Variants in FKBP5 observed in about 807,000 individuals in gnomAD.
The protein encoded by FKBP5 is FKBP prolyl isomerase 5, also known as peptidyl-prolyl cis-trans isomerase FKBP5.
Under a neutral mutation model 50.5 loss-of-function variants are expected in FKBP5, and 23 were observed. That is an observed-to-expected ratio of 0.46 (90% CI 0.33 to 0.65). The LOEUF is 0.65. Ranked by LOEUF, FKBP5 falls within the 30% of genes least tolerant of loss-of-function variation. The probability of loss-of-function intolerance (pLI) is 0.02; values close to 1 mark genes in which losing one functional copy is unlikely to be tolerated. For synonymous variants in FKBP5, 176 were observed against 190.6 expected (o/e 0.92, Z 0.63); for missense variants, 411 against 553.1 (o/e 0.74, Z 2.58).
intron 1 of FKBP5, among the ~76,000 whole-genome samples, chr6:35,668,004 G>A (rs1414733443): frequency 6.6e-6 from 1 of 152,080 alleles, no homozygotes; most frequent in African/African-American, 2.4e-5. Context: ...GAAGTTTAAG[G>A]GAAATTAGCT....
chr6:35,681,710 G>A (rs1021280371), intron 1 of FKBP5, among the ~76,000 whole-genome samples: 4 of 151,986 alleles, frequency 2.6e-5, no homozygotes, highest in African/African-American at 7.3e-5. Flanking sequence ...AAAAAGTTTC[G>A]CATATAAATA....
intron 2 of FKBP5, among the ~76,000 whole-genome samples, chr6:35,716,167 T>C (rs1210197791): frequency 6.6e-6 from 1 of 151,778 alleles, no homozygotes; most frequent in East Asian, 1.9e-4. Flanking sequence ...AGGCCAGGAG[T>C]TCGAGCCCAG....
chr6:35,651,955 G>T, intron 1 of FKBP5: 1 of 765,676 alleles, frequency 1.3e-6, no homozygotes, highest in South Asian at 2.3e-5. Flanking sequence ...CAGGAAGTCA[G>T]GGACCCCAAA....
At chr6:35,578,343 C>G (rs1762294555) in intron 9 of FKBP5, among the ~76,000 whole-genome samples, 1 of 152,098 alleles carries the variant, frequency 6.6e-6, no homozygotes, top group African/African-American at 2.4e-5. Context: ...CAGGTGTAAA[C>G]CACTGTGCCT....
chr6:35,707,931 T>C (rs1467053842), intron 2 of FKBP5, among the ~76,000 whole-genome samples: 2 of 152,224 alleles, frequency 1.3e-5, no homozygotes, highest in Non-Finnish European at 2.9e-5. Flanking sequence ...ACAAAGACCA[T>C]GTTATACCTG....
chr6:35,630,227 C>T (rs1764114294), intron 3 of FKBP5, among the ~76,000 whole-genome samples: 1 of 151,592 alleles, frequency 6.6e-6, no homozygotes. Context: ...TTTGATAAAC[C>T]TTACTATGAC....
intron 8 of FKBP5, chr6:35,581,768 A>G: frequency 1.0e-6 from 1 of 985,494 alleles, no homozygotes; most frequent in South Asian, 4.7e-5. Flanking sequence ...CACAGATGAT[A>G]CATCCTGCCA....
chr6:35,584,516 C>T, intron 8 of FKBP5: 2 of 985,424 alleles, frequency 2.0e-6, no homozygotes, highest in Non-Finnish European at 2.4e-6. Flanking sequence ...AAGACAAGGC[C>T]CGGGAGGGCA....
intron 1 of FKBP5, among the ~76,000 whole-genome samples, chr6:35,646,234 C>T (rs1764626865): frequency 6.6e-6 from 1 of 152,210 alleles, no homozygotes; most frequent in South Asian, 2.1e-4. Context: ...GATTTACTAG[C>T]TTTCTAAATC....
At chr6:35,672,627 G>A (rs1005391550) in intron 1 of FKBP5, among the ~76,000 whole-genome samples, 4 of 151,956 alleles carry the variant, frequency 2.6e-5, no homozygotes, top group Non-Finnish European at 5.9e-5. Context: ...TGCTTATGGC[G>A]ACTAAAAAGT....
chr6:35,680,117 GAA>G (rs914130084), intron 1 of FKBP5, among the ~76,000 whole-genome samples: 1 of 142,492 alleles, frequency 7.0e-6, no homozygotes. Flanking sequence ...GATGTAGATG[GAA>G]AAAAAAAAAA....
intron 4 of FKBP5, 63 bp from the exon 5 acceptor site, chr6:35,619,273 A>T: frequency 3.0e-6 from 3 of 994,880 alleles, no homozygotes; most frequent in South Asian, 2.8e-5. Flanking sequence ...ACATATGTGA[A>T]GGCAAGGGCA....
At chr6:35,668,333 A>AT (rs1765286761) in intron 1 of FKBP5, among the ~76,000 whole-genome samples, 2 of 152,136 alleles carry the variant, frequency 1.3e-5, no homozygotes, top group South Asian at 4.1e-4. Flanking sequence ...CCCAGTGTCC[A>AT]TTTTTTGCCA....
chr6:35,618,145 T>A (rs1380859658), intron 5 of FKBP5, among the ~76,000 whole-genome samples: 3 of 152,184 alleles, frequency 2.0e-5, no homozygotes, highest in Non-Finnish European at 4.4e-5. Context: ...ACTTTTCTCA[T>A]CTGGGGACAA....
chr6:35,623,743 TTTC>T (rs748474328), intron 3 of FKBP5, among the ~76,000 whole-genome samples: 40 of 151,806 alleles, frequency 2.6e-4, no homozygotes, highest in East Asian at 5.8e-4. Flanking sequence ...CTAATTTTCT[TTTC>T]TTCTTCTTTT....
intron 2 of FKBP5, among the ~76,000 whole-genome samples, chr6:35,706,240 A>C (rs1248980036): frequency 2.0e-5 from 3 of 152,126 alleles, no homozygotes; most frequent in African/African-American, 7.2e-5. Flanking sequence ...CCTGGCTAAT[A>C]TGGTAAAACC....
intron 1 of FKBP5, among the ~76,000 whole-genome samples, chr6:35,648,328 G>C (rs1764687615): frequency 6.6e-6 from 1 of 151,914 alleles, no homozygotes; most frequent in Non-Finnish European, 1.5e-5. Context: ...GGAGTGCAGT[G>C]GTACCGTCAT....
intron 1 of FKBP5, among the ~76,000 whole-genome samples, chr6:35,671,017 C>G (rs1397057634): frequency 6.6e-6 from 1 of 151,892 alleles, no homozygotes; most frequent in Non-Finnish European, 1.5e-5. Flanking sequence ...CCAGCACTTT[C>G]TGAGGCCAAA....
In FKBP5 at chr6:35,579,888, T is replaced by A; in HGVS notation, c.1026+148A>T. On this transcript the variant is annotated intron_variant, in intron 9 of 10. Transcript: ENST00000357266. ...TCTTGCTGAATTTCCCAATTCATAC[T>A]GAGAAACAAATAATCCCAAACATTC... 5.0e-6 allele frequency: 3 copies of A among 600,050 alleles called. No homozygotes were observed. In the South Asian group the frequency reaches 7.7e-5, roughly 15 times the overall value. The allele number at this position is 600,050 out of a possible 1,614,324, so 37.2% of individuals were successfully genotyped here.
Sources: allele counts gnomAD v4.1 joint callset (sites outside exome capture counted in the v4.1 genomes callset), GRCh38; gene constraint gnomAD v4.1.1; transcripts MANE v1.5; gene names NCBI Gene and HGNC (gene_info 2026-07-23, HGNC 2026-07-21).